The following GCA variants were observed in gnomAD, a reference collection of about 807,000 sequenced individuals.
GCA encodes grancalcin, EF-hand calcium-binding protein.
GCA carries 30 observed loss-of-function variants against 32.6 expected under a neutral mutation model. The ratio of observed to expected loss-of-function variants is 0.92; its 90% CI spans 0.69 to 1.25. The LOEUF (loss-of-function observed/expected upper bound fraction) is 1.25. GCA is among the 50% of genes most tolerant of loss of function. GCA has a pLI of 0.00. For synonymous variants in GCA, 102 were observed against 84.6 expected, an observed-to-expected ratio of 1.21 and a Z score of -1.13; for missense variants, 291 against 266.8, an observed-to-expected ratio of 1.09 and a Z score of -0.63.
intron 2 of GCA, among the ~76,000 whole-genome samples, chr2:162,350,614 A>T (rs1030662378): frequency 6.6e-6 from 1 of 152,226 alleles, no homozygotes. Context: ...ATAAAATTAC[A>T]ACTTAAAGTA....
At chr2:162,331,715 G>C (rs1346700147) in intron 1 of GCA, among the ~76,000 whole-genome samples, 7 of 152,090 alleles carry the variant, frequency 4.6e-5, no homozygotes, top group African/African-American at 1.2e-4. Flanking sequence ...ATAAATTTCT[G>C]TTCTTTATAT....
chr2:162,362,142 T>C lies in GCA; in HGVS notation c.*1899T>C. On this transcript the variant is annotated 3_prime_UTR_variant, in exon 8 of 8. Transcript: ENST00000437150. ...CATGGCCAAACATATTTAGAAACTC[T>C]CACTTTCTAAAGCTTGACAAGGTAT... 1 of 984,568 alleles carries C rather than the reference T, an allele frequency of 1.0e-6. No individual in the cohort carries two copies. Among genetic ancestry groups the C allele is most frequent in the Non-Finnish European group, 1.2e-6 (1 of 829,358 alleles). 61.0% of individuals were successfully genotyped at this position (984,568 alleles called of 1,614,324 possible).
Position 162,362,418 on chromosome 2 carries a change from A to T in GCA, c.*2175A>T. On this transcript the variant is annotated 3_prime_UTR_variant, in exon 8 of 8. Coordinates refer to ENST00000437150, the MANE Select transcript of GCA (RefSeq NM_012198.5). ...TACTGAAATACAGTTCACTTTTTCGATGCTTTAAAAATAACTGATATTTTT... is the reference window on the plus strand; with the variant it reads ...TACTGAAATACAGTTCACTTTTTCGTTGCTTTAAAAATAACTGATATTTTT... The T allele has an allele frequency of 1.0e-6, 1 of 969,714 alleles. No individual in the cohort carries two copies. Among genetic ancestry groups the T allele is most frequent in the Non-Finnish European group, 1.2e-6 (1 of 815,822 alleles). The allele number at this position is 969,714 out of a possible 1,614,324, so 60.1% of individuals were successfully genotyped here.
chr2:162,334,535 A>C (rs1684200143), intron 1 of GCA, among the ~76,000 whole-genome samples: 1 of 152,168 alleles, frequency 6.6e-6, no homozygotes, highest in Admixed American at 6.5e-5. Flanking sequence ...ACATGTATTG[A>C]GGATATTTAT....
At chr2:162,320,739 C>G (rs1446771756) in intron 1 of GCA, among the ~76,000 whole-genome samples, 1 of 152,144 alleles carries the variant, frequency 6.6e-6, no homozygotes, top group Non-Finnish European at 1.5e-5. Context: ...CAGCACTGAT[C>G]TAGGTGCAGT....
rs568303504 is a variant in GCA at position 162,338,010 on chromosome 2, T to G, written c.-30-9568T>G. ...GTTCATGTTTTATTTTAAAAATATT[T>G]TGCAACTGCTTTGATCTGTGTCTAC... On this transcript the variant is annotated intron_variant, in intron 1 of 4. Coordinates refer to the GCA transcript ENST00000429691. 3.3e-5 allele frequency among the ~76,000 whole-genome samples: 5 copies of G among 152,322 alleles called. No homozygotes were observed. The South Asian group carries it at 1.0e-3, about 32-fold the overall frequency.
chr2:162,324,807 C>G (rs1683817342), intron 1 of GCA, among the ~76,000 whole-genome samples: 1 of 152,184 alleles, frequency 6.6e-6, no homozygotes, highest in South Asian at 2.1e-4. Flanking sequence ...TGAAGAGGTA[C>G]AACTAACTGC....
At chr2:162,365,790 C>A (rs1015477508), downstream of GCA, among the ~76,000 whole-genome samples, 1 of 151,548 alleles carries the variant, frequency 6.6e-6, no homozygotes, top group Admixed American at 6.6e-5. Context: ...CTAGAGATTC[C>A]TCAATATTTC....
intron 2 of GCA, among the ~76,000 whole-genome samples, chr2:162,349,137 T>C (rs1433557695): frequency 6.6e-6 from 1 of 152,020 alleles, no homozygotes. Flanking sequence ...ACAAACATAA[T>C]ACTGAAGAGC....
At chr2:162,373,628 T>C (rs749798515), downstream of GCA, 1 of 1,550,026 alleles carries the variant, frequency 6.5e-7, no homozygotes, top group South Asian at 1.2e-5. Context: ...AACTGTAAGA[T>C]GGTCTGGATG....
chr2:162,342,644 T>C (rs909411653), upstream of GCA, among the ~76,000 whole-genome samples: 15 of 152,204 alleles, frequency 9.9e-5, no homozygotes, highest in African/African-American at 2.4e-5. Flanking sequence ...AAGAAACCCA[T>C]GGGGCCTTAA....
chr2:162,356,342 G>C (rs548939055), intron 3 of GCA, 96 bp from the exon 4 acceptor site: 1 of 751,174 alleles, frequency 1.3e-6, no homozygotes, highest in East Asian at 2.5e-5. Flanking sequence ...TATTTTGGCA[G>C]TTTTTTAATG....
chr2:162,365,500 A>G (rs2105367205), downstream of GCA, among the ~76,000 whole-genome samples: 1 of 151,796 alleles, frequency 6.6e-6, no homozygotes, highest in South Asian at 2.1e-4. Flanking sequence ...CATTATGTGC[A>G]TAAAAACTAG....
chr2:162,365,563 G>GTACT (rs1685725978), downstream of GCA, among the ~76,000 whole-genome samples: 1 of 151,602 alleles, frequency 6.6e-6, no homozygotes, highest in South Asian at 2.1e-4. Flanking sequence ...GCATTCCAAG[G>GTACT]TACTTACTAC....
chr2:162,322,093 A>C (rs944950607), intron 1 of GCA, among the ~76,000 whole-genome samples: 1 of 150,360 alleles, frequency 6.7e-6, no homozygotes, highest in Admixed American at 6.6e-5. Context: ...TAGTAAGCCT[A>C]AAATAGAAAA....
At chr2:162,323,900 T>C (rs556709937) in intron 1 of GCA, among the ~76,000 whole-genome samples, 2,481 of 150,030 alleles carry the variant, frequency 0.017, 123 homozygotes, top group African/African-American at 0.06. Flanking sequence ...GGGCTCTTTT[T>C]TGGTTCCATA....
chr2:162,363,203 A>G (rs1378930791), downstream of GCA, among the ~76,000 whole-genome samples: 1 of 151,420 alleles, frequency 6.6e-6, no homozygotes, highest in East Asian at 1.9e-4. Context: ...TGGGTAATTA[A>G]TAGAAATAAA....
chr2:162,321,363 C>A (rs1319107223), intron 1 of GCA, among the ~76,000 whole-genome samples: 1 of 152,134 alleles, frequency 6.6e-6, no homozygotes, highest in Non-Finnish European at 1.5e-5. Flanking sequence ...TGCAACTTTT[C>A]ATTTGAGTTT....
At chr2:162,353,262 G>A (rs574838275) in intron 3 of GCA, among the ~76,000 whole-genome samples, 5 of 152,266 alleles carry the variant, frequency 3.3e-5, no homozygotes, top group African/African-American at 1.2e-4. Flanking sequence ...GAGGTTAAGA[G>A]ATCGAGAGCA....
Sources: gnomAD v4.1 joint callset for allele counts (sites outside exome capture counted in the v4.1 genomes callset) on GRCh38, gnomAD v4.1.1 for gene constraint, MANE v1.5 for transcripts, NCBI Gene and HGNC (gene_info 2026-07-23, HGNC 2026-07-21) for gene names.